FBXL13: variants seen among roughly 807,000 people sequenced by gnomAD.
FBXL13 encodes the protein F-box and leucine rich repeat protein 13.
FBXL13 carries 67 observed loss-of-function variants against 83.6 expected under a neutral mutation model. That is an observed-to-expected ratio of 0.80 (90% CI 0.66 to 0.98). FBXL13 has a LOEUF of 0.98. Among genes scored for constraint, FBXL13 ranks in the 50% least tolerant of loss-of-function variants. The pLI, the probability that FBXL13 is intolerant of heterozygous loss-of-function variation, is 0.00. For missense variants in FBXL13, 822 were observed against 866.5 expected, an observed-to-expected ratio of 0.95 and a Z score of 0.64; for synonymous variants, 272 against 299.5, an observed-to-expected ratio of 0.91 and a Z score of 0.95.
At chr7:103,074,446 C>T in exon 1 of FBXL13, 1 of 1,110,890 alleles carries the variant, frequency 9.0e-7, no homozygotes, top group Non-Finnish European at 1.1e-6. Context: ...TGTGCTCATT[C>T]CCCCTGGGAG....
chr7:102,994,159 T>C (rs991083563), intron 6 of FBXL13, among the ~76,000 whole-genome samples: 12 of 152,176 alleles, frequency 7.9e-5, no homozygotes, highest in Non-Finnish European at 1.3e-4. Context: ...AATTAACTTA[T>C]ATGTTTATAT....
At chr7:103,021,725 T>C (rs1196192700) in intron 6 of FBXL13, among the ~76,000 whole-genome samples, 1 of 152,038 alleles carries the variant, frequency 6.6e-6, no homozygotes, top group Non-Finnish European at 1.5e-5. Context: ...AACAGACACA[T>C]GAAAAAATGC....
chr7:103,064,476 A>G (rs559517372), intron 1 of FBXL13, among the ~76,000 whole-genome samples: 1 of 152,318 alleles, frequency 6.6e-6, no homozygotes, highest in Admixed American at 6.5e-5. Context: ...GGAAAGGAAG[A>G]AGAAAAGGGG....
intron 6 of FBXL13, among the ~76,000 whole-genome samples, chr7:102,986,796 C>T (rs144391099): frequency 6.6e-6 from 1 of 151,314 alleles, no homozygotes; most frequent in East Asian, 1.9e-4. Context: ...TATGCTTTGT[C>T]AGAGATCAGT....
At chr7:103,043,322 C>T (rs1795936080) in intron 2 of FBXL13, among the ~76,000 whole-genome samples, 1 of 152,186 alleles carries the variant, frequency 6.6e-6, no homozygotes, top group African/African-American at 2.4e-5. Context: ...CAGGAAACAA[C>T]AGATGCTGGA....
intron 6 of FBXL13, among the ~76,000 whole-genome samples, chr7:102,993,631 G>A (rs903230890): frequency 5.3e-5 from 8 of 150,674 alleles, no homozygotes; most frequent in African/African-American, 1.9e-4. Context: ...GTATTTTCAC[G>A]GAAAACAGTC....
intron 8 of FBXL13, chr7:102,933,966 T>G: frequency 3.1e-6 from 5 of 1,613,952 alleles, no homozygotes; most frequent in Non-Finnish European, 4.2e-6. Context: ...GCGGCTGAGC[T>G]GCGCAAAGCA....
chr7:102,856,486 A>G (rs369853988), intron 16 of FBXL13, among the ~76,000 whole-genome samples: 2 of 152,152 alleles, frequency 1.3e-5, no homozygotes, highest in East Asian at 1.9e-4. Flanking sequence ...GTCAAGTTAG[A>G]ATTTTTTAAG....
chr7:102,952,976 T>G (rs1352243152), intron 8 of FBXL13, among the ~76,000 whole-genome samples: 1 of 151,936 alleles, frequency 6.6e-6, no homozygotes, highest in Non-Finnish European at 1.5e-5. Flanking sequence ...AGAGTGAGAC[T>G]CCATCTCAAA....
intron 9 of FBXL13, 116 bp downstream of exon 10, chr7:102,931,765 G>T (rs1819219682): frequency 3.5e-6 from 3 of 855,490 alleles, no homozygotes; most frequent in African/African-American, 1.7e-5. Flanking sequence ...AACATAGTTT[G>T]CTCTTTTCCA....
At chr7:102,835,183 T>A (rs1186574018) in intron 17 of FBXL13, among the ~76,000 whole-genome samples, 1 of 152,178 alleles carries the variant, frequency 6.6e-6, no homozygotes, top group East Asian at 1.9e-4. Context: ...TTTCAACTGA[T>A]TCAGCACTTA....
chr7:102,881,762 A>T (rs1810130975), intron 14 of FBXL13, among the ~76,000 whole-genome samples: 1 of 152,014 alleles, frequency 6.6e-6, no homozygotes, highest in Non-Finnish European at 1.5e-5. Flanking sequence ...AGCTTCAGTC[A>T]TCTGAAGGTT....
chr7:102,927,020 G>C (rs1279449626), intron 9 of FBXL13, among the ~76,000 whole-genome samples: 1 of 152,128 alleles, frequency 6.6e-6, no homozygotes, highest in African/African-American at 2.4e-5. Flanking sequence ...AAAGATTCAA[G>C]CATCCTTCCC....
chr7:102,922,764 A>G (rs1817311573), intron 10 of FBXL13, among the ~76,000 whole-genome samples: 1 of 152,094 alleles, frequency 6.6e-6, no homozygotes, highest in South Asian at 2.1e-4. Flanking sequence ...CGAGGTCAGG[A>G]GATCGAGACC....
At chr7:102,818,919 A>G (rs1798405441) in intron 19 of FBXL13, among the ~76,000 whole-genome samples, 1 of 152,026 alleles carries the variant, frequency 6.6e-6, no homozygotes, top group Non-Finnish European at 1.5e-5. Flanking sequence ...CCCAGTATCT[A>G]TTAGTTATTC....
intron 1 of FBXL13, among the ~76,000 whole-genome samples, chr7:103,066,184 T>A (rs947801241): frequency 1.3e-5 from 2 of 152,240 alleles, no homozygotes; most frequent in African/African-American, 4.8e-5. Context: ...AAAAAAATTT[T>A]AGACTTTAAC....
intron 8 of FBXL13, among the ~76,000 whole-genome samples, chr7:102,946,176 G>A (rs1434706414): frequency 3.3e-5 from 5 of 152,120 alleles, no homozygotes. Context: ...GCCACACTCA[G>A]CCATGCACTT....
chr7:102,874,401 G>C (rs1808948996), intron 16 of FBXL13: 1 of 980,684 alleles, frequency 1.0e-6, no homozygotes, highest in Non-Finnish European at 1.2e-6. Flanking sequence ...CTTGGAGGAA[G>C]AAAACAACAG....
At chr7:102,953,674 A>C (rs1206532068) in intron 8 of FBXL13, among the ~76,000 whole-genome samples, 2 of 152,196 alleles carry the variant, frequency 1.3e-5, no homozygotes, top group Non-Finnish European at 2.9e-5. Flanking sequence ...AAAAAGGTGA[A>C]TTTTATGTTA....
Sources: gnomAD v4.1 joint callset for allele counts (sites outside exome capture counted in the v4.1 genomes callset) on GRCh38, gnomAD v4.1.1 for gene constraint, MANE v1.5 for transcripts, NCBI Gene and HGNC (gene_info 2026-07-23, HGNC 2026-07-21) for gene names.